Variants in RTN4 observed in about 807,000 individuals in gnomAD.
The protein encoded by RTN4 is reticulon 4, also known as reticulon-4.
A neutral mutation model predicts 90.4 loss-of-function variants in RTN4; 32 were observed. That is an observed-to-expected ratio of 0.35 (90% CI 0.27 to 0.48). The LOEUF (loss-of-function observed/expected upper bound fraction) is 0.48, where lower values mean the gene tolerates loss of function less well. Among genes scored for constraint, RTN4 ranks in the 20% least tolerant of loss-of-function variants. The probability of loss-of-function intolerance (pLI) is 0.99; values close to 1 mark genes in which losing one functional copy is unlikely to be tolerated. For synonymous variants in RTN4, 629 were observed against 552.5 expected, an observed-to-expected ratio of 1.14 and a Z score of -1.94; for missense variants, 1,706 against 1,430.2, an observed-to-expected ratio of 1.19 and a Z score of -3.11.
chr2:54,975,307 TG>T (rs1444500686), intron 5 of RTN4, among the ~76,000 whole-genome samples: 1 of 152,240 alleles, frequency 6.6e-6, no homozygotes, highest in East Asian at 1.9e-4. Context: ...TGTTAAACAT[TG>T]GTCATCATCA....
the RTN4 span, among the ~76,000 whole-genome samples, chr2:55,121,132 T>A: frequency 1.3e-5 from 2 of 152,204 alleles, no homozygotes; most frequent in East Asian, 3.8e-4. Context: ...TGTTTTCCAG[T>A]CATTCACCAA....
intron 3 of RTN4, among the ~76,000 whole-genome samples, chr2:55,006,506 G>C (rs1455642346): frequency 6.6e-6 from 1 of 152,076 alleles, no homozygotes; most frequent in South Asian, 2.1e-4. Context: ...AAAGATCAGA[G>C]AGCCCTAAAA....
chr2:55,024,309 T>C (rs1216060446), intron 3 of RTN4, among the ~76,000 whole-genome samples: 1 of 152,198 alleles, frequency 6.6e-6, no homozygotes, highest in Non-Finnish European at 1.5e-5. Context: ...CTTTCTTAGA[T>C]TACAGCAACT....
rs760677211 is a variant in RTN4 at position 55,026,528 on chromosome 2, T to C, written c.1571A>G (p.Asp524Gly). 3.7e-6 allele frequency: 6 copies of C among 1,613,800 alleles called. No homozygotes were observed. Among genetic ancestry groups the C allele is most frequent in the Non-Finnish European group, 5.1e-6 (6 of 1,179,946 alleles). Residue 524 changes from aspartate (D) to glycine (G), a missense_variant, in exon 3 of 9, where the codon GAT (aspartate) becomes GGT (glycine). By Grantham distance (94) the Asp-to-Gly change is moderately conservative (BLOSUM62 -1). Coordinates refer to ENST00000337526, the MANE Select transcript of RTN4 (RefSeq NM_020532.5). The stretch of plus-strand genomic sequence containing the variant: ...TGTTGTGACATAATCTGTCTCAGAA[T>C]CCTGTGCTGCTACAAGAAAAGGGTT... ...TSNPFLVAAQDSETDYVTTDN... is the reference protein window; with the variant it reads ...TSNPFLVAAQGSETDYVTTDN...
At chr2:55,122,337 G>A in the RTN4 span, among the ~76,000 whole-genome samples, 1 of 152,104 alleles carries the variant, frequency 6.6e-6, no homozygotes, top group African/African-American at 2.4e-5. Context: ...GACTTAGAGT[G>A]CTTTCCGGCT....
chr2:55,012,805 C>T lies in RTN4; in HGVS notation c.3013+12281G>A, dbSNP rs539782055. Among the ~76,000 whole-genome samples the T allele has an allele frequency of 3.9e-5, 6 of 152,246 alleles. No homozygotes were observed. In the East Asian group the frequency reaches 1.2e-3, roughly 29 times the overall value. ...AAACAGAATTGCCCCCTCTCATACA[C>T]AAACTATTGTCGTTGCTGTATAGTT... On this transcript the variant is annotated intron_variant, in intron 3 of 8. Transcript: ENST00000337526.
intron 1 of RTN4, among the ~76,000 whole-genome samples, chr2:55,100,180 T>C (rs1311978541): frequency 1.3e-5 from 2 of 152,158 alleles, no homozygotes; most frequent in Non-Finnish European, 2.9e-5. Flanking sequence ...CTGCTTTTTA[T>C]ACTTGTCTGG....
chr2:55,026,313 G>A lies in RTN4; in HGVS notation c.1786C>T (p.Leu596Phe), dbSNP rs1341024646. 3 of 1,613,860 alleles carry A rather than the reference G, an allele frequency of 1.9e-6. No homozygotes were observed. The highest frequency in any genetic ancestry group is 2.5e-6 in the Non-Finnish European group (3 of 1,179,910). Residue 596 changes from leucine (L) to phenylalanine (F), a missense_variant, in exon 3 of 9, where the codon CTT becomes TTT. Leu to Phe is a conservative substitution (Grantham distance 22, BLOSUM62 0). Coordinates refer to ENST00000337526, the MANE Select transcript of RTN4 (RefSeq NM_020532.5). The stretch of plus-strand genomic sequence containing the variant: ...TCTGACTCTTCAAATGATGGGCAAA[G>A]CTGTGCTGCAGGATAGAGTGACTCT... ...MQESLYPAAQ[L>F]CPSFEESEAT... is the part of the protein sequence containing the mutation.
At chr2:55,042,590 G>A (rs943492425) in intron 1 of RTN4, among the ~76,000 whole-genome samples, 8 of 152,152 alleles carry the variant, frequency 5.3e-5, no homozygotes, top group Non-Finnish European at 1.0e-4. Context: ...CTGGGTAACA[G>A]GTAGAAAGAG....
chr2:54,976,930 G>A (rs1306716498), intron 5 of RTN4, among the ~76,000 whole-genome samples: 1 of 152,214 alleles, frequency 6.6e-6, no homozygotes, highest in Non-Finnish European at 1.5e-5. Flanking sequence ...GAGGAAGGAG[G>A]CCTAAAATGT....
intron 1 of RTN4, among the ~76,000 whole-genome samples, chr2:55,036,599 C>CAA (rs71410411): frequency 9.5e-3 from 693 of 72,840 alleles, no homozygotes; most frequent in African/African-American, 0.016. Flanking sequence ...AAGACTGTCT[C>CAA]AAAAAAAAAA....
At chr2:55,030,781 G>A (rs1682248793) in intron 1 of RTN4, among the ~76,000 whole-genome samples, 1 of 152,174 alleles carries the variant, frequency 6.6e-6, no homozygotes, top group Non-Finnish European at 1.5e-5. Context: ...TCTGAAGGAT[G>A]TATTTATGTA....
At position 55,025,379 on chromosome 2, in the gene RTN4, G is replaced by A. The variant is rs761530879; in HGVS notation, c.2720C>T (p.Ala907Val). The change falls in exon 3 of 9, where the codon GCT becomes GTT. Residue 907 changes from alanine (A) to valine (V), a missense_variant. Coordinates refer to ENST00000337526, the MANE Select transcript of RTN4 (RefSeq NM_020532.5). ...CAATTCTGTGCAAGGCAATGACCCA[G>A]CTCCATCCGGGGCATTAGCAATTTC... The part of the protein sequence containing the change: ...KSEIANAPDG[A>V]GSLPCTELPH... The A allele has an allele frequency of 1.2e-6, 2 of 1,613,934 alleles. No individual in the cohort carries two copies. The highest frequency in any genetic ancestry group is 1.1e-5 in the South Asian group (1 of 91,080).
chr2:54,993,917 C>T (rs763951795), intron 3 of RTN4, among the ~76,000 whole-genome samples: 9 of 152,070 alleles, frequency 5.9e-5, no homozygotes, highest in Non-Finnish European at 1.2e-4. Context: ...CATCTTTTTC[C>T]GTAAAGAAGC....
chr2:55,078,401 G>T (rs1668642345), intron 2 of RTN4, among the ~76,000 whole-genome samples: 2 of 152,142 alleles, frequency 1.3e-5, no homozygotes, highest in South Asian at 4.1e-4. Context: ...AACATGCCCA[G>T]CCTAGTTTTG....
chr2:55,125,250 T>A, the RTN4 span, among the ~76,000 whole-genome samples: 2 of 151,998 alleles, frequency 1.3e-5, no homozygotes, highest in Admixed American at 6.6e-5. Context: ...AAAGCAAAAA[T>A]TGACAAGTGG....
intron 3 of RTN4, among the ~76,000 whole-genome samples, chr2:55,021,830 CACA>C (rs1484446913): frequency 2.6e-5 from 4 of 152,116 alleles, no homozygotes; most frequent in Non-Finnish European, 5.9e-5. Flanking sequence ...GTTTCCTTCC[CACA>C]ACTTTTGTAG....
chr2:55,127,154 T>C, the RTN4 span, among the ~76,000 whole-genome samples: 1 of 151,944 alleles, frequency 6.6e-6, no homozygotes, highest in East Asian at 1.9e-4. Context: ...TACCCCTAAA[T>C]CTAAAATAAA....
chr2:55,052,322 G>C (rs1162281807), upstream of RTN4, among the ~76,000 whole-genome samples: 1 of 152,214 alleles, frequency 6.6e-6, no homozygotes, highest in Non-Finnish European at 1.5e-5. Flanking sequence ...AGGAGTGAGA[G>C]TGTATGGGAA....
Sources: gnomAD v4.1 joint callset for allele counts (sites outside exome capture counted in the v4.1 genomes callset) on GRCh38, gnomAD v4.1.1 for gene constraint, MANE v1.5 for transcripts, NCBI Gene and HGNC (gene_info 2026-07-23, HGNC 2026-07-21) for gene names.